CNGB3: variants seen among roughly 807,000 people sequenced by gnomAD.
The protein encoded by CNGB3 is cyclic nucleotide gated channel subunit beta 3.
In CNGB3, 86 loss-of-function variants were observed where a neutral mutation model predicts 92.8. That is an observed-to-expected ratio of 0.93 (90% CI 0.78 to 1.11). The LOEUF (loss-of-function observed/expected upper bound fraction) is 1.11, where lower values mean the gene tolerates loss of function less well. CNGB3 is among the 50% of genes least tolerant of loss of function. CNGB3 has a pLI of 0.00. For synonymous variants in CNGB3, 333 were observed against 332.7 expected (o/e 1.00, Z -0.01); for missense variants, 1,026 against 956.8 (o/e 1.07, Z -0.95).
At chr8:86,717,914 A>T (rs1824892993) in intron 3 of CNGB3, among the ~76,000 whole-genome samples, 2 of 152,340 alleles carry the variant, frequency 1.3e-5, no homozygotes, top group South Asian at 4.1e-4. Flanking sequence ...CTGAATGATC[A>T]CTGGGTCAAC....
At chr8:86,717,216 A>C (rs1016727300) in intron 3 of CNGB3, among the ~76,000 whole-genome samples, 1 of 152,154 alleles carries the variant, frequency 6.6e-6, no homozygotes, top group African/African-American at 2.4e-5. Context: ...TACATTTATA[A>C]AACAATTACT....
At chr8:86,577,747 C>T (rs993451825) in intron 17 of CNGB3, among the ~76,000 whole-genome samples, 4 of 152,166 alleles carry the variant, frequency 2.6e-5, no homozygotes, top group African/African-American at 9.7e-5. Flanking sequence ...CATATTTTCT[C>T]TGGAAGGCAC....
intron 2 of CNGB3, among the ~76,000 whole-genome samples, chr8:86,736,050 C>T (rs977507400): frequency 1.3e-5 from 2 of 151,952 alleles, no homozygotes; most frequent in Non-Finnish European, 2.9e-5. Context: ...CAAAAGAGGA[C>T]CTTAGCAAGT....
chr8:86,742,401 C>A (rs2131686377), intron 1 of CNGB3, among the ~76,000 whole-genome samples: 1 of 152,200 alleles, frequency 6.6e-6, no homozygotes, highest in African/African-American at 2.4e-5. Context: ...TAACACAGTC[C>A]TCCTCATCTC....
intron 3 of CNGB3, among the ~76,000 whole-genome samples, chr8:86,700,116 A>G (rs1824523867): frequency 6.6e-6 from 1 of 151,770 alleles, no homozygotes; most frequent in African/African-American, 2.4e-5. Flanking sequence ...AAGCATTTCC[A>G]AAACTAATTA....
At chr8:86,713,356 T>C (rs1419702482) in intron 3 of CNGB3, among the ~76,000 whole-genome samples, 1 of 152,180 alleles carries the variant, frequency 6.6e-6, no homozygotes, top group Non-Finnish European at 1.5e-5. Context: ...TCCAGACCAA[T>C]TAAATCAGTA....
rs1563749108 is a variant in CNGB3, at chr8:86,671,024, C to A, written c.413G>T (p.Arg138Ile). ...ADAQLHNLVK[R>I]MRQRTALYKK... Reference sequence around the variant, plus strand: ...GTAGAGGGCTGTTCTTTGACGCATTCTTTTCACCAGGTTGTGTAGCTGGGC... The same window carrying A: ...GTAGAGGGCTGTTCTTTGACGCATTATTTTCACCAGGTTGTGTAGCTGGGC... The change falls in exon 4 of 18, where the codon AGA becomes ATA. Residue 138 changes from arginine (R) to isoleucine (I), a missense_variant. Physicochemically the swap from Arg to Ile is moderately conservative, Grantham distance 97. Transcript: ENST00000320005. 1.2e-6 allele frequency: 2 copies of A among 1,613,846 alleles called. No individual in the cohort carries two copies. The highest frequency in any genetic ancestry group is 1.7e-6 in the Non-Finnish European group (2 of 1,180,030).
chr8:86,652,494 A>G (rs1823425495), intron 7 of CNGB3, among the ~76,000 whole-genome samples: 1 of 152,032 alleles, frequency 6.6e-6, no homozygotes, highest in Admixed American at 6.6e-5. Flanking sequence ...TTGTAATAAC[A>G]CTTAGCTTAA....
At chr8:86,667,553 G>A (rs1290242054) in intron 5 of CNGB3, among the ~76,000 whole-genome samples, 1 of 152,204 alleles carries the variant, frequency 6.6e-6, no homozygotes, top group Non-Finnish European at 1.5e-5. Flanking sequence ...GCCACATCCT[G>A]CCAGAAGGAG....
intron 10 of CNGB3, among the ~76,000 whole-genome samples, chr8:86,638,485 A>T (rs1291815682): frequency 6.6e-6 from 1 of 152,006 alleles, no homozygotes. Flanking sequence ...CCCCTTCTAT[A>T]CTTATCTTTC....
intron 15 of CNGB3, among the ~76,000 whole-genome samples, chr8:86,601,020 C>T (rs536266582): frequency 6.6e-6 from 1 of 151,948 alleles, no homozygotes; most frequent in African/African-American, 2.4e-5. Flanking sequence ...GCAATAAATG[C>T]ATGAATGAAA....
intron 3 of CNGB3, among the ~76,000 whole-genome samples, chr8:86,697,231 T>G (rs1194153577): frequency 6.6e-6 from 1 of 152,194 alleles, no homozygotes; most frequent in South Asian, 2.1e-4. Flanking sequence ...AAAATCTGCT[T>G]GCATTTGTTT....
intron 15 of CNGB3, among the ~76,000 whole-genome samples, chr8:86,595,809 A>C (rs1186507618): frequency 3.9e-5 from 6 of 152,344 alleles, no homozygotes; most frequent in Middle Eastern, 3.4e-3. Flanking sequence ...CTGAGTATTC[A>C]GAAGAAATAG....
In CNGB3 at chr8:86,625,997, C is replaced by G; in HGVS notation, c.1564G>C (p.Val522Leu). The G allele has an allele frequency of 1.2e-6, 2 of 1,613,646 alleles. No individual in the cohort carries two copies. Among genetic ancestry groups the G allele is most frequent in the Admixed American group, 1.7e-5 (1 of 59,988 alleles). Residue 522 changes from valine (V) to leucine (L), a missense_variant, in exon 13 of 18, where the codon GTC becomes CTC. By Grantham distance (32) the Val-to-Leu change is conservative. Transcript: ENST00000320005. ...IDVNFSIISK[V>L]DLFKGCDTQM... ...AAAGCACTTGCCTTGAACAAGTCGA[C>G]TTTGCTGATGATGCTGAAGTTCACA...
chr8:86,700,162 GT>G (rs571633631), intron 3 of CNGB3, among the ~76,000 whole-genome samples: 23 of 152,076 alleles, frequency 1.5e-4, no homozygotes, highest in Admixed American at 3.9e-4. Flanking sequence ...GAGAAGCAAT[GT>G]TTTTTTTAAA....
At chr8:86,601,772 TAACCAC>T (rs917667359) in intron 15 of CNGB3, among the ~76,000 whole-genome samples, 8 of 152,154 alleles carry the variant, frequency 5.3e-5, no homozygotes, top group Non-Finnish European at 8.8e-5. Context: ...TGTTTCCCCA[TAACCAC>T]AGCCAAAAAG....
At chr8:86,735,242 A>T in intron 2 of CNGB3, among the ~76,000 whole-genome samples, 1 of 142,608 alleles carries the variant, frequency 7.0e-6, no homozygotes, top group African/African-American at 2.7e-5. Flanking sequence ...TCCAGGGTTC[A>T]CGCCATTCTC....
chr8:86,588,158 G>A (rs1183298925), intron 15 of CNGB3, among the ~76,000 whole-genome samples: 4 of 145,350 alleles, frequency 2.8e-5, no homozygotes, highest in African/African-American at 8.0e-5. Flanking sequence ...TTGGTGTATA[G>A]GAATGCTTGT....
At position 86,670,991 on chromosome 8, in the gene CNGB3, TTTTTCTTGTAGAGGGCTG is replaced by T. The variant is rs1451489180; in HGVS notation, c.428_445del (p.Thr143_Lys148del). The T allele has an allele frequency of 6.2e-7, 1 of 1,613,212 alleles. No individual in the cohort carries two copies. The highest frequency in any genetic ancestry group is 1.7e-5 in the Admixed American group (1 of 60,020). Reference sequence around the variant, plus strand: ...TGAGGAGAGATCTCCCTCTACCAACTTTTTCTTGTAGAGGGCTGTTCTTTGACGCATTCTTTTCACCAG... The same window carrying T: ...TGAGGAGAGATCTCCCTCTACCAACTTTCTTTGACGCATTCTTTTCACCAG... On this transcript the variant is annotated inframe_deletion, in exon 4 of 18. Transcript: ENST00000320005.
Sources: gnomAD v4.1 joint callset for allele counts (sites outside exome capture counted in the v4.1 genomes callset) on GRCh38, gnomAD v4.1.1 for gene constraint, MANE v1.5 for transcripts, NCBI Gene and HGNC (gene_info 2026-07-23, HGNC 2026-07-21) for gene names.